Variants in DCAF17 observed in about 807,000 individuals in gnomAD.
DCAF17 encodes the protein DDB1 and CUL4 associated factor 17, also known as DDB1- and CUL4-associated factor 17.
A neutral mutation model predicts 66.0 loss-of-function variants in DCAF17; 48 were observed. The observed-to-expected ratio is 0.73, with a 90% CI of 0.58 to 0.92. The LOEUF (loss-of-function observed/expected upper bound fraction) is 0.92, where lower values mean the gene tolerates loss of function less well. DCAF17 is among the 40% of genes least tolerant of loss of function. The pLI is 0.00. For synonymous variants in DCAF17, 206 were observed against 214.6 expected, an observed-to-expected ratio of 0.96 and a Z score of 0.35; for missense variants, 562 against 622.8, an observed-to-expected ratio of 0.90 and a Z score of 1.04.
At chr2:171,434,811 CAT>C (rs1693732698) in intron 1 of DCAF17, 108 bp downstream of exon 1, 2 of 1,398,734 alleles carry the variant, frequency 1.4e-6, no homozygotes, top group Admixed American at 3.2e-5. Context: ...TATAGGGTCA[CAT>C]GTGATGGGGA....
At position 171,483,842 on chromosome 2, in the gene DCAF17, T is replaced by C; in HGVS notation, c.*2728T>C. On this transcript the variant is annotated 3_prime_UTR_variant, in exon 14 of 14. Transcript: ENST00000375255. The stretch of plus-strand genomic sequence containing the variant: ...AATTGGCCCAGGGTCCCACAACTAG[T>C]CAGTGCAGAGGTGGGAAACATAACC... 2.2e-6 allele frequency: 1 copy of C among 454,008 alleles called. No homozygotes were observed. Among genetic ancestry groups the C allele is most frequent in the Non-Finnish European group, 4.4e-6 (1 of 226,782 alleles). The allele number at this position is 454,008 out of a possible 1,614,324, so 28.1% of individuals were successfully genotyped here.
chr2:171,472,120 T>C (rs1346918586), intron 9 of DCAF17, among the ~76,000 whole-genome samples: 2 of 152,222 alleles, frequency 1.3e-5, no homozygotes, highest in East Asian at 3.8e-4. Context: ...AGTTTAATTT[T>C]ACCTCCTACT....
chr2:171,461,670 T>G (rs1026058963), intron 8 of DCAF17, among the ~76,000 whole-genome samples: 2 of 152,164 alleles, frequency 1.3e-5, no homozygotes, highest in Non-Finnish European at 2.9e-5. Flanking sequence ...GAGGTATAAT[T>G]TACATGTAAT....
In DCAF17 at chr2:171,478,023, G is replaced by A. The variant is rs1339545266; in HGVS notation, c.1219G>A (p.Val407Met). The A allele has an allele frequency of 1.2e-6, 2 of 1,613,808 alleles. No homozygotes were observed. The highest frequency in any genetic ancestry group is 2.7e-5 in the African/African-American group (2 of 74,870). The change falls in exon 12 of 14, where the codon GTG (valine) becomes ATG (methionine). Residue 407 changes from valine to methionine, a missense_variant. This residue lies in a region of DCAF17 where 201 missense variants were observed against 231.1 expected (regional missense o/e 0.87). Coordinates refer to ENST00000375255, the MANE Select transcript of DCAF17 (RefSeq NM_025000.4). ...ACTCACTGTTACAGCTTCTGGACGG[G>A]TGGTAAAAAAAAGTTTTAACCTTCT... ...NVLTVTASGRVVKKSFNLLDD... is the reference protein window; with the variant it reads ...NVLTVTASGRMVKKSFNLLDD...
Position 171,439,722 on chromosome 2 carries a change from G to C in DCAF17, c.231-3801G>C, listed in dbSNP as rs188426964. 2.5e-3 allele frequency among the ~76,000 whole-genome samples: 376 copies of C among 151,842 alleles called. 1 individual carries two copies. The highest frequency in any genetic ancestry group is 4.8e-3 in the Admixed American group (73 of 15,266). On this transcript the variant is annotated intron_variant, in intron 2 of 13. Coordinates refer to ENST00000375255, the MANE Select transcript of DCAF17 (RefSeq NM_025000.4). ...GTGGGCAGATCACTTGAGGCTAGGA[G>C]TTCGACACCAGCCTGGCCAACATGG...
intron 10 of DCAF17, among the ~76,000 whole-genome samples, chr2:171,474,983 T>C (rs1333442451): frequency 6.6e-6 from 1 of 152,224 alleles, no homozygotes; most frequent in Non-Finnish European, 1.5e-5. Flanking sequence ...TGAAGAAATA[T>C]AAAAACCTAT....
Position 171,481,036 on chromosome 2 carries a change from C to T in DCAF17, c.1485C>T (p.Asn495=), listed in dbSNP as rs2105814603. 1.2e-6 allele frequency: 2 copies of T among 1,613,818 alleles called. No individual in the cohort carries two copies. The highest frequency in any genetic ancestry group is 1.7e-6 in the Non-Finnish European group (2 of 1,179,724). The change falls in exon 14 of 14, where the codon AAC becomes AAT. Residue 495 remains asparagine, a synonymous_variant. Coordinates refer to ENST00000375255, the MANE Select transcript of DCAF17 (RefSeq NM_025000.4). The stretch of plus-strand genomic sequence containing the variant: ...TGCTACACATAGAGCAGAAACCCAA[C>T]AGAGTCTTCAGCTGCTATGTTTACC... The part of the protein sequence containing the change: ...DLVLHIEQKP[N]RVFSCYVYQM...
rs920241912 is a variant in DCAF17 at position 171,482,671 on chromosome 2, T to A, written c.*1557T>A. On this transcript the variant is annotated 3_prime_UTR_variant, in exon 14 of 14. Coordinates refer to ENST00000375255, the MANE Select transcript of DCAF17 (RefSeq NM_025000.4). ...TAAGACTTCAGTCATGTCAGAGATT[T>A]TTTTTTTTAGGTGATTATTGAGTTT... is the stretch of plus-strand genomic sequence containing the variant. 1.1e-5 allele frequency: 5 copies of A among 453,634 alleles called. No homozygotes were observed. Among genetic ancestry groups the A allele is most frequent in the Non-Finnish European group, 2.2e-5 (5 of 226,726 alleles). 28.1% of individuals were successfully genotyped at this position (453,634 alleles called of 1,614,324 possible).
chr2:171,451,118 C>T (rs1434967918), intron 5 of DCAF17, among the ~76,000 whole-genome samples: 1 of 152,010 alleles, frequency 6.6e-6, no homozygotes, highest in Non-Finnish European at 1.5e-5. Flanking sequence ...TCCTTGTCAA[C>T]CCTCCAGTGT....
chr2:171,464,272 T>TA (rs1695762485), intron 8 of DCAF17, among the ~76,000 whole-genome samples: 2 of 152,180 alleles, frequency 1.3e-5, no homozygotes, highest in Non-Finnish European at 2.9e-5. Context: ...ATTGATTCTC[T>TA]CACAGTTCTG....
Position 171,484,254 on chromosome 2 carries a change from TTCTGGTCCCTG to T in DCAF17, c.*3142_*3152del. ...TCTTTTAGAATCCCAGGGAGCTAATTTCTGGTCCCTGTGTTGCTATCAAATCTGTATCTTGC... is the reference window on the plus strand; with the variant it reads ...TCTTTTAGAATCCCAGGGAGCTAATTTGTTGCTATCAAATCTGTATCTTGC... On this transcript the variant is annotated 3_prime_UTR_variant, in exon 14 of 14. Coordinates refer to ENST00000375255, the MANE Select transcript of DCAF17 (RefSeq NM_025000.4). 2.2e-6 allele frequency: 1 copy of T among 450,216 alleles called. No individual in the cohort carries two copies. Among genetic ancestry groups the T allele is most frequent in the South Asian group, 1.6e-5 (1 of 62,846 alleles). The allele number at this position is 450,216 out of a possible 1,614,324, so 27.9% of individuals were successfully genotyped here.
chr2:171,442,328 G>A (rs1004287254), intron 2 of DCAF17, among the ~76,000 whole-genome samples: 4 of 152,188 alleles, frequency 2.6e-5, no homozygotes, highest in Non-Finnish European at 4.4e-5. Context: ...GGAGGCTGAG[G>A]CAGGCAGATC....
chr2:171,472,421 C>G (rs1245955357), intron 9 of DCAF17, among the ~76,000 whole-genome samples: 1 of 152,184 alleles, frequency 6.6e-6, no homozygotes, highest in African/African-American at 2.4e-5. Context: ...TCAAGTGATC[C>G]ACCTGCCTCG....
chr2:171,480,081 C>T lies in DCAF17; in HGVS notation c.1310C>T (p.Ser437Phe). Residue 437 changes from serine to phenylalanine, a missense_variant, in exon 13 of 14, where the codon TCT becomes TTT. Ser to Phe is a radical substitution (Grantham distance 155). Transcript: ENST00000375255. ...TATGAAGATGAGTTAGATTTGCTTT[C>T]TGTGGTAGCTGTTACTCAAATAGAT... ...VDYEDELDLL[S>F]VVAVTQIDAE... 6.2e-7 allele frequency: 1 copy of T among 1,613,780 alleles called. No homozygotes were observed. The highest frequency in any genetic ancestry group is 8.5e-7 in the Non-Finnish European group (1 of 1,179,770).
Position 171,471,088 on chromosome 2 carries a change from T to C in DCAF17, c.981+2058T>C, listed in dbSNP as rs114656724. Reference sequence around the variant, plus strand: ...CCTTCAACATGTATATCAAGCATGCTTGTCACATACTCTCCTTCTATAATA... The same window carrying C: ...CCTTCAACATGTATATCAAGCATGCCTGTCACATACTCTCCTTCTATAATA... On this transcript the variant is annotated intron_variant, in intron 9 of 13. Transcript: ENST00000375255. Among the ~76,000 whole-genome samples, 433 of 152,346 alleles carry C rather than the reference T, an allele frequency of 2.8e-3. 4 individuals carry two copies. The highest frequency in any genetic ancestry group is 1.0e-2 in the African/African-American group (415 of 41,578).
At chr2:171,439,089 C>A (rs569112947) in intron 2 of DCAF17, among the ~76,000 whole-genome samples, 3 of 151,986 alleles carry the variant, frequency 2.0e-5, no homozygotes, top group African/African-American at 7.2e-5. Context: ...CAAATTAATT[C>A]TTATTGTTCC....
At chr2:171,435,922 C>T (rs1693898187) in intron 2 of DCAF17, among the ~76,000 whole-genome samples, 1 of 152,160 alleles carries the variant, frequency 6.6e-6, no homozygotes, top group Non-Finnish European at 1.5e-5. Context: ...ATCACTACCA[C>T]AGTTAATTTT....
At chr2:171,460,776 T>C (rs1406987725) in intron 8 of DCAF17, among the ~76,000 whole-genome samples, 1 of 152,112 alleles carries the variant, frequency 6.6e-6, no homozygotes, top group East Asian at 1.9e-4. Context: ...GCTCAAGCAG[T>C]CTGCCTACCT....
Position 171,482,183 on chromosome 2 carries a change from C to T in DCAF17, c.*1069C>T, listed in dbSNP as rs911617115. ...TAAAGGGAGAAAATGTTTCTTTGTG[C>T]TTCCTGTTTGAGAAATTCAGTTGCT... On this transcript the variant is annotated 3_prime_UTR_variant, in exon 14 of 14. Transcript: ENST00000375255. 4.4e-6 allele frequency: 2 copies of T among 451,802 alleles called. No individual in the cohort carries two copies. Among genetic ancestry groups the T allele is most frequent in the South Asian group, 1.6e-5 (1 of 63,462 alleles). 28.0% of individuals were successfully genotyped at this position (451,802 alleles called of 1,614,324 possible). A position where few individuals can be genotyped will look rare whatever the true frequency, so the allele number is the denominator to read the frequency against.
Sources: allele counts gnomAD v4.1 joint callset (sites outside exome capture counted in the v4.1 genomes callset), GRCh38; gene constraint gnomAD v4.1.1; regional missense constraint gnomAD v4.1.1; transcripts MANE v1.5; gene names NCBI Gene and HGNC (gene_info 2026-07-23, HGNC 2026-07-21).